Variants in MICAL2 observed in about 807,000 individuals in gnomAD.
The protein encoded by MICAL2 is microtubule associated monooxygenase, calponin and LIM domain containing 2.
A neutral mutation model predicts 127.3 loss-of-function variants in MICAL2; 77 were observed. The ratio of observed to expected loss-of-function variants is 0.60; its 90% confidence interval spans 0.50 to 0.73. The LOEUF (loss-of-function observed/expected upper bound fraction) is 0.73, where lower values mean the gene tolerates loss of function less well. Among genes scored for constraint, MICAL2 ranks in the 30% least tolerant of loss-of-function variants. The pLI is 0.00. For missense variants in MICAL2, 1,351 were observed against 1,434.4 expected, an observed-to-expected ratio of 0.94 and a Z score of 0.94; for synonymous variants, 570 against 551.1, an observed-to-expected ratio of 1.03 and a Z score of -0.48.
At chr11:12,122,956 G>T (rs1564988563) in intron 1 of MICAL2, among the ~76,000 whole-genome samples, 1 of 152,098 alleles carries the variant, frequency 6.6e-6, no homozygotes, top group Non-Finnish European at 1.5e-5. Context: ...GCTTCCTATA[G>T]CTTCTGGCAT....
At chr11:12,312,149 C>A (rs1211512449) in intron 29 of MICAL2, among the ~76,000 whole-genome samples, 1 of 151,632 alleles carries the variant, frequency 6.6e-6, no homozygotes, top group African/African-American at 2.4e-5. Context: ...TTTGCTTAAT[C>A]ATTCTTAATT....
chr11:12,207,890 C>T (rs16910765), intron 4 of MICAL2, 133 bp from the exon 5 acceptor site: 84,234 of 694,596 alleles, frequency 0.12, 10,447 homozygotes, highest in East Asian at 0.42. Context: ...TGCATAATCC[C>T]GCTCAGTAAT....
chr11:12,122,695 C>G (rs1345494108), intron 1 of MICAL2, among the ~76,000 whole-genome samples: 1 of 152,192 alleles, frequency 6.6e-6, no homozygotes, highest in Non-Finnish European at 1.5e-5. Context: ...AGGAGTGAGC[C>G]ACCGCGCCTG....
chr11:12,157,535 C>T (rs1333655884), intron 2 of MICAL2, among the ~76,000 whole-genome samples: 1 of 152,220 alleles, frequency 6.6e-6, no homozygotes, highest in African/African-American at 2.4e-5. Flanking sequence ...TTCTTGGAAA[C>T]TTAAAGCATC....
At chr11:12,333,868 A>G (rs1938695399) in intron 32 of MICAL2, among the ~76,000 whole-genome samples, 1 of 152,168 alleles carries the variant, frequency 6.6e-6, no homozygotes, top group South Asian at 2.1e-4. Context: ...AAAGTCATCA[A>G]AGGATCCAAA....
intron 2 of MICAL2, among the ~76,000 whole-genome samples, chr11:12,284,770 T>C (rs1380209421): frequency 6.6e-6 from 1 of 152,166 alleles, no homozygotes; most frequent in East Asian, 1.9e-4. Flanking sequence ...ATTCATCTCC[T>C]CATGGGGAGC....
At chr11:12,118,216 C>A (rs563087297) in intron 1 of MICAL2, among the ~76,000 whole-genome samples, 1 of 152,256 alleles carries the variant, frequency 6.6e-6, no homozygotes, top group South Asian at 2.1e-4. Flanking sequence ...GGTACTCATC[C>A]CACACATACA....
intron 34 of MICAL2, among the ~76,000 whole-genome samples, chr11:12,356,063 T>C (rs1277458461): frequency 1.3e-5 from 2 of 152,216 alleles, no homozygotes; most frequent in African/African-American, 2.4e-5. Context: ...TATATCAGAT[T>C]TGAAAAGTTT....
At chr11:12,294,627 C>T (rs774436090), downstream of MICAL2, 3 of 1,614,054 alleles carry the variant, frequency 1.9e-6, no homozygotes, top group African/African-American at 2.7e-5. Flanking sequence ...CTTTTTTCCT[C>T]CCTCAGACTC....
intron 1 of MICAL2, among the ~76,000 whole-genome samples, chr11:12,127,276 C>T (rs1363289939): frequency 6.6e-6 from 1 of 152,172 alleles, no homozygotes; most frequent in East Asian, 1.9e-4. Context: ...TCTATGGGGA[C>T]ATTTTCTTCT....
At chr11:12,283,924 T>C (rs1863797772) in intron 2 of MICAL2, among the ~76,000 whole-genome samples, 2 of 152,306 alleles carry the variant, frequency 1.3e-5, no homozygotes, top group Admixed American at 6.5e-5. Context: ...AAAAGGCAGA[T>C]TCCCAGGTTC....
At chr11:12,354,059 C>G (rs752512977) in intron 33 of MICAL2, among the ~76,000 whole-genome samples, 3 of 152,264 alleles carry the variant, frequency 2.0e-5, no homozygotes, top group Non-Finnish European at 2.9e-5. Flanking sequence ...GGATGGCCTT[C>G]CAAAGCCTAC....
intron 32 of MICAL2, among the ~76,000 whole-genome samples, chr11:12,330,921 GTGTGTGTGTGTCTGTATGTGTGTGTC>G (rs1864419293): frequency 6.6e-6 from 1 of 150,884 alleles, no homozygotes; most frequent in African/African-American, 2.4e-5. Context: ...GTGTGTGTGT[GTGTGTGTGTGTCTGTATGTGTGTGTC>G]TGTGTGTGTG....
chr11:12,161,212 A>G (rs1854745939), intron 2 of MICAL2, among the ~76,000 whole-genome samples: 1 of 152,262 alleles, frequency 6.6e-6, no homozygotes. Flanking sequence ...TGAAACTTAA[A>G]TGACTTTCCT....
intron 32 of MICAL2, among the ~76,000 whole-genome samples, chr11:12,342,596 C>T (rs1938884552): frequency 6.6e-6 from 1 of 152,200 alleles, no homozygotes; most frequent in Non-Finnish European, 1.5e-5. Flanking sequence ...GTATAGTTTA[C>T]TATAGAAATG....
chr11:12,277,773 G>A (rs1863736839), intron 1 of MICAL2, among the ~76,000 whole-genome samples: 1 of 152,178 alleles, frequency 6.6e-6, no homozygotes, highest in African/African-American at 2.4e-5. Flanking sequence ...TAAGAAATGT[G>A]TTATCAGGTG....
intron 33 of MICAL2, among the ~76,000 whole-genome samples, chr11:12,353,190 G>A (rs1939079875): frequency 6.6e-6 from 1 of 152,186 alleles, no homozygotes. Context: ...TAGGGGTGAT[G>A]TGTGATACAC....
At position 12,227,086 on chromosome 11, in the gene MICAL2, T is replaced by C; in HGVS notation, c.1950T>C (p.Ser650=). The part of the protein sequence containing the change: ...ADLSLAKSSI[S]NNYLNLTFPR... ...TCAGCTTGGCCAAATCATCCATTTC[T>C]AATAACTATCTCAACCTCACATTTC... Residue 650 remains serine (S), a synonymous_variant, in exon 15 of 28, where the codon TCT becomes TCC. Transcript: ENST00000683283. 6.2e-7 allele frequency: 1 copy of C among 1,614,158 alleles called. No homozygotes were observed. The highest frequency in any genetic ancestry group is 8.5e-7 in the Non-Finnish European group (1 of 1,180,002).
chr11:12,255,286 A>G lies in MICAL2; in HGVS notation c.2848-357A>G, dbSNP rs939726792. ...ACATCCTTCGTGTGCAACCCTCACCATCCTCCCACTCCAGAACTCTTAGTT... is the reference window on the plus strand; with the variant it reads ...ACATCCTTCGTGTGCAACCCTCACCGTCCTCCCACTCCAGAACTCTTAGTT... On this transcript the variant is annotated intron_variant, in intron 22 of 27. Coordinates refer to ENST00000683283, the MANE Select transcript of MICAL2 (RefSeq NM_001282663.2). 4 of 258,424 alleles carry G rather than the reference A, an allele frequency of 1.5e-5. No homozygotes were observed. The South Asian group carries it at 1.7e-4, about 11-fold the overall frequency. The allele number at this position is 258,424 out of a possible 1,614,324, so 16.0% of individuals were successfully genotyped here.
Sources: gnomAD v4.1 joint callset for allele counts (sites outside exome capture counted in the v4.1 genomes callset) on GRCh38, gnomAD v4.1.1 for gene constraint, MANE v1.5 for transcripts, NCBI Gene and HGNC (gene_info 2026-07-23, HGNC 2026-07-21) for gene names.